UAP1: variants seen among roughly 807,000 people sequenced by gnomAD.
UAP1 encodes the protein UDP-N-acetylhexosamine pyrophosphorylase.
A neutral mutation model predicts 58.5 loss-of-function variants in UAP1; 25 were observed. That is an observed-to-expected ratio of 0.43 (90% CI 0.31 to 0.60). UAP1 has a LOEUF of 0.60. Among genes scored for constraint, UAP1 ranks in the 20% least tolerant of loss-of-function variants. The probability of loss-of-function intolerance (pLI) is 0.11; values close to 1 mark genes in which losing one functional copy is unlikely to be tolerated. For synonymous variants in UAP1, 208 were observed against 213.0 expected (o/e 0.98, Z 0.21); for missense variants, 575 against 630.0 (o/e 0.91, Z 0.93).
In UAP1 at chr1:162,597,773, T is replaced by C; in HGVS notation, c.1410-19T>C. 1.2e-6 allele frequency: 2 copies of C among 1,609,534 alleles called. No individual in the cohort carries two copies. Among genetic ancestry groups the C allele is most frequent in the Non-Finnish European group, 1.7e-6 (2 of 1,177,288 alleles). ...CATGGGAAGCAAAGTCTTTAACACA[T>C]ACTTGTTTTTTTTCTTAGCTTGAAG... is the stretch of plus-strand genomic sequence containing the variant. On this transcript the variant is annotated intron_variant, in intron 9 of 10. Transcript: ENST00000271469.
chr1:162,585,448 G>A (rs1654849782), intron 5 of UAP1, among the ~76,000 whole-genome samples: 1 of 150,172 alleles, frequency 6.7e-6, no homozygotes, highest in African/African-American at 2.5e-5. Context: ...TTTCAGTAGA[G>A]ATGGGGTTTC....
At chr1:162,599,039 T>C (rs1655780928) in intron 10 of UAP1, among the ~76,000 whole-genome samples, 1 of 152,190 alleles carries the variant, frequency 6.6e-6, no homozygotes, top group Non-Finnish European at 1.5e-5. Flanking sequence ...AATGTTTATC[T>C]TATTAACTGT....
chr1:162,563,871 A>T (rs1406678850), intron 1 of UAP1, among the ~76,000 whole-genome samples: 2 of 152,324 alleles, frequency 1.3e-5, no homozygotes, highest in Non-Finnish European at 2.9e-5. Context: ...TCATGAGGAA[A>T]TCTATGCACA....
At chr1:162,569,211 G>A (rs1220135028) in intron 2 of UAP1, among the ~76,000 whole-genome samples, 4 of 152,178 alleles carry the variant, frequency 2.6e-5, no homozygotes, top group Non-Finnish European at 4.4e-5. Flanking sequence ...TGTATTTCAG[G>A]TAGTAGGAAG....
At chr1:162,576,321 A>G (rs1489218856) in intron 2 of UAP1, among the ~76,000 whole-genome samples, 1 of 152,110 alleles carries the variant, frequency 6.6e-6, no homozygotes, top group East Asian at 1.9e-4. Flanking sequence ...TGCCACATCA[A>G]TTAGTCATCA....
chr1:162,592,861 G>A, intron 9 of UAP1, 79 bp downstream of exon 9: 2 of 1,327,806 alleles, frequency 1.5e-6, no homozygotes, highest in Admixed American at 2.0e-5. Context: ...GTAGTTTAGT[G>A]CTCTGCCTTT....
intron 5 of UAP1, among the ~76,000 whole-genome samples, chr1:162,585,781 C>T (rs926307561): frequency 2.3e-3 from 10 of 4,274 alleles, no homozygotes; most frequent in Non-Finnish European, 4.4e-3. Context: ...AACCTGTGTG[C>T]GTTAAAAAAA....
At chr1:162,562,046 AG>A (rs1557960686) in intron 1 of UAP1, among the ~76,000 whole-genome samples, 6 of 152,182 alleles carry the variant, frequency 3.9e-5, no homozygotes, top group Admixed American at 1.3e-4. Context: ...TGGCGGGGCC[AG>A]GGATGGAATG....
chr1:162,592,605 C>A, intron 8 of UAP1, 127 bp from the exon 9 acceptor site: 1 of 711,730 alleles, frequency 1.4e-6, no homozygotes, highest in Non-Finnish European at 2.4e-6. Flanking sequence ...CCCTTTTGGT[C>A]TCTTGGGACG....
Position 162,587,362 on chromosome 1 carries a change from G to A in UAP1, c.835-113G>A. On this transcript the variant is annotated intron_variant, in intron 5 of 10. Transcript: ENST00000271469. ...TGTCTAAAGTTAAAGATTCTTCTTG[G>A]CTTTATACCTTTTAGTGTAAGCAAA... The A allele has an allele frequency of 8.5e-6, 8 of 945,904 alleles. No individual in the cohort carries two copies. The South Asian group carries it at 1.3e-4, about 15-fold the overall frequency. 58.6% of individuals were successfully genotyped at this position (945,904 alleles called of 1,614,324 possible). A position where few individuals can be genotyped will look rare whatever the true frequency, so the allele number is the denominator to read the frequency against.
downstream of UAP1, among the ~76,000 whole-genome samples, chr1:162,600,338 T>C (rs1655858269): frequency 6.6e-6 from 1 of 152,190 alleles, no homozygotes; most frequent in South Asian, 2.1e-4. Flanking sequence ...TTTTTTGTTA[T>C]TGTTGTTGTT....
At chr1:162,580,107 T>C (rs1654491713) in intron 4 of UAP1, among the ~76,000 whole-genome samples, 1 of 152,176 alleles carries the variant, frequency 6.6e-6, no homozygotes, top group Non-Finnish European at 1.5e-5. Flanking sequence ...CCTCAAATGA[T>C]GTACCTGCCT....
At chr1:162,598,796 T>C (rs1455716592) in intron 10 of UAP1, among the ~76,000 whole-genome samples, 1 of 152,098 alleles carries the variant, frequency 6.6e-6, no homozygotes, top group African/African-American at 2.4e-5. Flanking sequence ...GGTAGATCAT[T>C]TGAGGTCAGG....
chr1:162,588,145 A>C (rs575569438), intron 6 of UAP1: 2 of 154,890 alleles, frequency 1.3e-5, no homozygotes, highest in Non-Finnish European at 2.9e-5. Context: ...TAAAGAGTGA[A>C]GAAATTACTT....
At chr1:162,574,650 A>C (rs1411468303) in intron 2 of UAP1, among the ~76,000 whole-genome samples, 1 of 152,202 alleles carries the variant, frequency 6.6e-6, no homozygotes, top group African/African-American at 2.4e-5. Context: ...GAAACTGTTT[A>C]CCATGGTTTT....
chr1:162,592,486 G>A (rs1196414839), intron 8 of UAP1, among the ~76,000 whole-genome samples: 1 of 152,176 alleles, frequency 6.6e-6, no homozygotes, highest in Non-Finnish European at 1.5e-5. Context: ...TCATCTCCCA[G>A]TCCAAGGCCA....
intron 9 of UAP1, among the ~76,000 whole-genome samples, chr1:162,594,489 C>A (rs554340979): frequency 2.0e-5 from 3 of 152,300 alleles, no homozygotes; most frequent in Admixed American, 2.0e-4. Context: ...AGAGTAGTAC[C>A]GGTCCATGGC....
intron 10 of UAP1, among the ~76,000 whole-genome samples, 180 bp downstream of exon 10, chr1:162,598,038 T>C (rs184949893): frequency 1.2e-4 from 19 of 152,294 alleles, no homozygotes; most frequent in African/African-American, 4.6e-4. Context: ...ATCATCACAT[T>C]GTATCTGAAA....
At chr1:162,578,454 G>A (rs998214026) in intron 3 of UAP1, among the ~76,000 whole-genome samples, 2 of 152,122 alleles carry the variant, frequency 1.3e-5, no homozygotes, top group Admixed American at 6.6e-5. Flanking sequence ...TTCTCACCAC[G>A]AGTACTGGCC....
Sources: gnomAD v4.1 joint callset for allele counts (sites outside exome capture counted in the v4.1 genomes callset) on GRCh38, gnomAD v4.1.1 for gene constraint, MANE v1.5 for transcripts, NCBI Gene and HGNC (gene_info 2026-07-23, HGNC 2026-07-21) for gene names.